TMEM179B: variants seen among roughly 807,000 people sequenced by gnomAD.
TMEM179B encodes the protein transmembrane protein 179B.
TMEM179B carries 13 observed loss-of-function variants against 18.0 expected under a neutral mutation model. The observed-to-expected ratio is 0.72, with a 90% CI of 0.47 to 1.15. The LOEUF (loss-of-function observed/expected upper bound fraction) is 1.15. TMEM179B is among the 50% of genes most tolerant of loss of function. TMEM179B has a pLI of 0.00. For synonymous variants in TMEM179B, 159 were observed against 117.5 expected, an observed-to-expected ratio of 1.35 and a Z score of -2.29; for missense variants, 320 against 270.6, an observed-to-expected ratio of 1.18 and a Z score of -1.28.
rs751170816 is a variant in TMEM179B at position 62,790,075 on chromosome 11, G to A, written c.*28G>A. The stretch of plus-strand genomic sequence containing the variant: ...AATAAGCGGAGTGCTTCCTGCAGCC[G>A]AAGACTCCATGCCCAAGTGCCTGTA... On this transcript the variant is annotated 3_prime_UTR_variant, in exon 5 of 5. Coordinates refer to ENST00000333449, the MANE Select transcript of TMEM179B (RefSeq NM_199337.3). 15 of 1,576,840 alleles carry A rather than the reference G, an allele frequency of 9.5e-6. No individual in the cohort carries two copies. In the South Asian group the frequency reaches 1.0e-4, roughly 11 times the overall value.
At position 62,787,622 on chromosome 11, in the gene TMEM179B, C is replaced by T. The variant is rs1359854504; in HGVS notation, c.96+95C>T. On this transcript the variant is annotated intron_variant, in intron 1 of 4. Coordinates refer to ENST00000333449, the MANE Select transcript of TMEM179B (RefSeq NM_199337.3). ...CTTTCCGACCGGGCTTGCTGCTGCT[C>T]GGAGCCGGTGGACCTGGTGAGGCAC... The T allele has an allele frequency of 9.3e-6, 13 of 1,401,364 alleles. No homozygotes were observed. The East Asian group carries it at 1.3e-4, about 14-fold the overall frequency. 86.8% of individuals were successfully genotyped at this position (1,401,364 alleles called of 1,614,324 possible).
At chr11:62,788,977 A>C in intron 1 of TMEM179B, 46 bp from the exon 2 acceptor site, 154 of 1,564,870 alleles carry the variant, frequency 9.8e-5, no homozygotes, top group Non-Finnish European at 1.2e-4. Context: ...GACTGTATCT[A>C]GAGACATTAA....
In TMEM179B at chr11:62,790,092, G is replaced by A; in HGVS notation, c.*45G>A. ...CTGCAGCCGAAGACTCCATGCCCAA[G>A]TGCCTGTAATCCCCCCCCTCAAGGC... On this transcript the variant is annotated 3_prime_UTR_variant, in exon 5 of 5. Coordinates refer to ENST00000333449, the MANE Select transcript of TMEM179B (RefSeq NM_199337.3). 4 of 1,531,054 alleles carry A rather than the reference G, an allele frequency of 2.6e-6. No individual in the cohort carries two copies. The highest frequency in any genetic ancestry group is 3.5e-6 in the Non-Finnish European group (4 of 1,138,380). 94.8% of individuals were successfully genotyped at this position (1,531,054 alleles called of 1,614,324 possible).
intron 1 of TMEM179B, chr11:62,787,732 C>T (rs1420612125): frequency 1.1e-5 from 8 of 700,386 alleles, no homozygotes; most frequent in African/African-American, 8.9e-5. Flanking sequence ...TCGAAGTTGT[C>T]CCCTCGCCAA....
chr11:62,787,769 C>G (rs2084305655), intron 1 of TMEM179B: 1 of 690,282 alleles, frequency 1.4e-6, no homozygotes. Flanking sequence ...CGTCTTAAAG[C>G]ACTAGGTGGA....
rs773560051 is a variant in TMEM179B at position 62,787,416 on chromosome 11, T to G, written c.-16T>G. 2.6e-6 allele frequency: 4 copies of G among 1,557,740 alleles called. No homozygotes were observed. Among genetic ancestry groups the G allele is most frequent in the South Asian group, 1.2e-5 (1 of 86,784 alleles). ...GGGGTGCTGCTGCAGCGGCGCTTCC[T>G]GGTGGTCAGGGCGCCATGGCGCTGT... On this transcript the variant is annotated 5_prime_UTR_variant, in exon 1 of 5. Coordinates refer to ENST00000333449, the MANE Select transcript of TMEM179B (RefSeq NM_199337.3).
In TMEM179B at chr11:62,789,615, A is replaced by C; in HGVS notation, c.434A>C (p.Gln145Pro). Residue 145 changes from glutamine (Q) to proline (P), a missense_variant, in exon 4 of 5, where the codon CAG becomes CCG. Transcript: ENST00000333449. ...TGACCTCACAGCTGTTCTGAAGCCCAGAAAATTCCATGGACACCCCCTGGA... is the reference window on the plus strand; with the variant it reads ...TGACCTCACAGCTGTTCTGAAGCCCCGAAAATTCCATGGACACCCCCTGGA... Reference protein sequence around the residue: ...LNTTISCSEAQKIPWTPPGTA... With the variant: ...LNTTISCSEAPKIPWTPPGTA... 6.5e-7 allele frequency: 1 copy of C among 1,546,964 alleles called. No individual in the cohort carries two copies. The highest frequency in any genetic ancestry group is 8.7e-7 in the Non-Finnish European group (1 of 1,150,558).
intron 4 of TMEM179B, 55 bp downstream of exon 4, chr11:62,789,734 TGCTCACCAGTGTATTGTGAGCTTG>T: frequency 1.3e-6 from 2 of 1,511,674 alleles, no homozygotes; most frequent in Non-Finnish European, 1.8e-6. Flanking sequence ...GCTGTGTGGG[TGCTCACCAGTGTATTGTGAGCTTG>T]GCCTACCAGT....
chr11:62,789,353 G>A lies in TMEM179B; in HGVS notation c.346G>A (p.Val116Met). The change falls in exon 3 of 5, where the codon GTG becomes ATG. Residue 116 changes from valine to methionine, a missense_variant. By Grantham distance (21) the Val-to-Met change is conservative. Coordinates refer to ENST00000333449, the MANE Select transcript of TMEM179B (RefSeq NM_199337.3). ...ISAIAVFLVL[V>M]SACILRFGTR... ...AGCTATAGCCGTCTTCCTGGTCTTG[G>A]TGTCTGCCTGTATCCTTCGATTTGG... 6.2e-7 allele frequency: 1 copy of A among 1,613,856 alleles called. No homozygotes were observed. Among genetic ancestry groups the A allele is most frequent in the South Asian group, 1.1e-5 (1 of 91,054 alleles).
intron 1 of TMEM179B, 58 bp downstream of exon 1, chr11:62,787,585 A>G: frequency 6.8e-7 from 1 of 1,460,282 alleles, no homozygotes. Flanking sequence ...GGACATGGCG[A>G]GGCCACTTTC....
rs2084338964 is a variant in TMEM179B at position 62,789,961 on chromosome 11, A to G, written c.574A>G (p.Thr192Ala). The change falls in exon 5 of 5, where the codon ACC becomes GCC. Residue 192 changes from threonine (T) to alanine (A), a missense_variant. Coordinates refer to ENST00000333449, the MANE Select transcript of TMEM179B (RefSeq NM_199337.3). ...LQVVQWKSEATPYRPLERGDP... is the reference protein window; with the variant it reads ...LQVVQWKSEAAPYRPLERGDP... ...GGTCGTGCAGTGGAAGTCTGAAGCC[A>G]CCCCATACCGGCCTCTGGAGAGGGG... 2 of 1,613,850 alleles carry G rather than the reference A, an allele frequency of 1.2e-6. No individual in the cohort carries two copies. Among genetic ancestry groups the G allele is most frequent in the African/African-American group, 1.3e-5 (1 of 74,906 alleles).
intron 4 of TMEM179B, 76 bp from the exon 5 acceptor site, chr11:62,789,810 C>T: frequency 6.4e-7 from 1 of 1,565,128 alleles, no homozygotes; most frequent in East Asian, 2.2e-5. Context: ...TTCAGCAGTT[C>T]AGAGTGGTGT....
chr11:62,789,997 T>C lies in TMEM179B; in HGVS notation c.610T>C (p.Trp204Arg), dbSNP rs2084339811. Residue 204 changes from tryptophan (W) to arginine (R), a missense_variant, in exon 5 of 5, where the codon TGG becomes CGG. Trp to Arg is a moderately radical substitution (Grantham distance 101). Coordinates refer to ENST00000333449, the MANE Select transcript of TMEM179B (RefSeq NM_199337.3). ...GCCTCTGGAGAGGGGTGACCCTGAG[T>C]GGAGCTCTGAGACAGATGCTCTCGT... ...YRPLERGDPE[W>R]SSETDALVGS... 1 of 1,614,046 alleles carries C rather than the reference T, an allele frequency of 6.2e-7. No homozygotes were observed. The highest frequency in any genetic ancestry group is 8.5e-7 in the Non-Finnish European group (1 of 1,179,978).
At chr11:62,789,505 C>T in intron 3 of TMEM179B, 79 bp downstream of exon 3, 1 of 1,599,856 alleles carries the variant, frequency 6.3e-7, no homozygotes. Flanking sequence ...TCCTTTTATC[C>T]CCATCAGTTG....
rs558951568 is a variant in TMEM179B at position 62,790,233 on chromosome 11, C to T, written c.*186C>T. 9.2e-6 allele frequency: 6 copies of T among 649,970 alleles called. No homozygotes were observed. In the Admixed American group the frequency reaches 1.0e-4, roughly 11 times the overall value. The allele number at this position is 649,970 out of a possible 1,614,324, so 40.3% of individuals were successfully genotyped here. ...GTTTTTGTACCAAAATATTATATTA[C>T]TGTCTTCATCTTAGTAGTGAGTTTT... On this transcript the variant is annotated 3_prime_UTR_variant, in exon 5 of 5. Coordinates refer to ENST00000333449, the MANE Select transcript of TMEM179B (RefSeq NM_199337.3).
At chr11:62,787,614 C>T (rs7941706) in intron 1 of TMEM179B, 87 bp downstream of exon 1, 744,901 of 1,424,038 alleles carry the variant, frequency 0.52, 205,924 homozygotes, top group Non-Finnish European at 0.58. Flanking sequence ...ACCGGGCTTG[C>T]TGCTGCTCGG....
At chr11:62,787,728 T>G in intron 1 of TMEM179B, 1 of 709,946 alleles carries the variant, frequency 1.4e-6, no homozygotes, top group Non-Finnish European at 2.3e-6. Context: ...TACTTCGAAG[T>G]TGTCCCCTCG....
At chr11:62,788,902 C>A in intron 1 of TMEM179B, 121 bp from the exon 2 acceptor site, 1 of 1,091,058 alleles carries the variant, frequency 9.2e-7, no homozygotes, top group Non-Finnish European at 1.3e-6. Flanking sequence ...TAGGAATTGA[C>A]GGTGCACAAA....
In TMEM179B at chr11:62,787,535, T is replaced by C. The variant is rs2084300767; in HGVS notation, c.96+8T>C. The C allele has an allele frequency of 6.4e-7, 1 of 1,556,260 alleles. No homozygotes were observed. Among genetic ancestry groups the C allele is most frequent in the Non-Finnish European group, 8.6e-7 (1 of 1,160,364 alleles). On this transcript the variant is annotated splice_region_variant and intron_variant, in intron 1 of 4. Coordinates refer to ENST00000333449, the MANE Select transcript of TMEM179B (RefSeq NM_199337.3). The stretch of plus-strand genomic sequence containing the variant: ...GCGATGACTCGGACCCAGGTGCGGC[T>C]GCGGGGCGGGGTCAGGTAGGCGGGG...
Sources: gnomAD v4.1 joint callset for allele counts on GRCh38, gnomAD v4.1.1 for gene constraint, MANE v1.5 for transcripts, NCBI Gene and HGNC (gene_info 2026-07-23, HGNC 2026-07-21) for gene names.